The following ASPRV1 variants were observed in gnomAD, a reference collection of about 807,000 sequenced individuals.
ASPRV1 encodes aspartic peptidase retroviral like 1, also known as retroviral-like aspartic protease 1.
ASPRV1 carries 7 observed loss-of-function variants against 11.0 expected under a neutral mutation model. The observed-to-expected ratio is 0.64, with a 90% CI of 0.36 to 1.20. ASPRV1 has a LOEUF of 1.20. ASPRV1 is among the 50% of genes most tolerant of loss of function. The pLI is 0.02. For synonymous variants in ASPRV1, 136 were observed against 138.4 expected (o/e 0.98, Z 0.12); for missense variants, 299 against 320.0 (o/e 0.93, Z 0.50).
At chr2:69,981,607 A>T in the ASPRV1 span, among the ~76,000 whole-genome samples, 1 of 152,184 alleles carries the variant, frequency 6.6e-6, no homozygotes, top group African/African-American at 2.4e-5. Flanking sequence ...CCCAGGCTGG[A>T]GTGCAGTGGC....
chr2:70,073,799 T>G, the ASPRV1 span, among the ~76,000 whole-genome samples: 5 of 152,018 alleles, frequency 3.3e-5, no homozygotes, highest in East Asian at 9.6e-4. Context: ...GCTCATCCCT[T>G]GCCCTAGAAT....
the ASPRV1 span, among the ~76,000 whole-genome samples, chr2:70,082,567 G>A: frequency 6.6e-6 from 1 of 151,850 alleles, no homozygotes; most frequent in East Asian, 1.9e-4. Flanking sequence ...ACAATCAGCC[G>A]GGTGTGGCGG....
chr2:69,988,451 G>A, the ASPRV1 span: 1 of 205,532 alleles, frequency 4.9e-6, no homozygotes, highest in Non-Finnish European at 1.0e-5. Flanking sequence ...CTTACATGAG[G>A]TGTCTAGAGT....
At chr2:70,052,395 A>G in the ASPRV1 span, among the ~76,000 whole-genome samples, 1 of 152,202 alleles carries the variant, frequency 6.6e-6, no homozygotes, top group Non-Finnish European at 1.5e-5. Flanking sequence ...TAAAACAGTA[A>G]CAAGATATGA....
chr2:69,937,342 G>A, the ASPRV1 span: 1 of 1,613,958 alleles, frequency 6.2e-7, no homozygotes, highest in Non-Finnish European at 8.5e-7. Flanking sequence ...AGAGGATCCG[G>A]ATGGACAGCA....
chr2:70,029,595 T>C, the ASPRV1 span, among the ~76,000 whole-genome samples: 1 of 152,132 alleles, frequency 6.6e-6, no homozygotes, highest in African/African-American at 2.4e-5. Flanking sequence ...GCCGAGATTG[T>C]GCCACTGCAC....
At chr2:69,991,634 G>A in the ASPRV1 span, among the ~76,000 whole-genome samples, 1 of 151,904 alleles carries the variant, frequency 6.6e-6, no homozygotes, top group South Asian at 2.1e-4. Context: ...CACAATCTTC[G>A]CCTCCCGGGT....
chr2:70,030,629 A>G, the ASPRV1 span: 1 of 152,176 alleles, frequency 6.6e-6, no homozygotes, highest in Non-Finnish European at 1.5e-5. Flanking sequence ...TAATTCTTCA[A>G]TAAAATGATC....
At chr2:70,003,938 C>G in the ASPRV1 span, among the ~76,000 whole-genome samples, 1 of 152,098 alleles carries the variant, frequency 6.6e-6, no homozygotes, top group Non-Finnish European at 1.5e-5. Flanking sequence ...GCAGCAAAGC[C>G]CCTCGATCTT....
the ASPRV1 span, among the ~76,000 whole-genome samples, chr2:70,000,786 C>G: frequency 2.6e-5 from 1 of 38,362 alleles, no homozygotes; most frequent in East Asian, 1.4e-3. Context: ...AAGACCCTGC[C>G]TCAAAAAAAA....
upstream of ASPRV1, chr2:69,961,698 T>C: frequency 6.5e-7 from 1 of 1,528,200 alleles, no homozygotes; most frequent in East Asian, 2.3e-5. Context: ...TTCTCCTTTG[T>C]TCTGGAAGCT....
At chr2:70,010,180 C>A in the ASPRV1 span, among the ~76,000 whole-genome samples, 6 of 152,086 alleles carry the variant, frequency 3.9e-5, no homozygotes, top group East Asian at 1.2e-3. Context: ...GGTATGTGAA[C>A]TAGACAGGGG....
the ASPRV1 span, among the ~76,000 whole-genome samples, chr2:70,033,402 C>T: frequency 2.9e-4 from 44 of 152,196 alleles, no homozygotes; most frequent in African/African-American, 1.0e-3. Flanking sequence ...CACTGCTTGG[C>T]CCCTTTATCC....
the ASPRV1 span, among the ~76,000 whole-genome samples, chr2:70,054,507 G>A: frequency 6.8e-6 from 1 of 146,278 alleles, no homozygotes; most frequent in African/African-American, 2.5e-5. Context: ...AACCCGGGAG[G>A]CGGAGTTTGC....
At chr2:69,980,536 C>T in the ASPRV1 span, among the ~76,000 whole-genome samples, 58 of 152,098 alleles carry the variant, frequency 3.8e-4, no homozygotes, top group Admixed American at 1.2e-3. Flanking sequence ...ACCCTAAATA[C>T]AACATGCTAT....
chr2:70,081,533 T>G, the ASPRV1 span: 1 of 152,042 alleles, frequency 6.6e-6, no homozygotes, highest in Non-Finnish European at 1.5e-5. Flanking sequence ...TATTTCCAAC[T>G]GTAGTAACCT....
chr2:70,064,987 G>A, the ASPRV1 span, among the ~76,000 whole-genome samples: 2 of 151,946 alleles, frequency 1.3e-5, no homozygotes, highest in Non-Finnish European at 2.9e-5. Context: ...CCCAGCTACT[G>A]AGGAGGCTGA....
chr2:70,036,975 G>GA, the ASPRV1 span, among the ~76,000 whole-genome samples: 1 of 152,146 alleles, frequency 6.6e-6, no homozygotes, highest in Non-Finnish European at 1.5e-5. Context: ...GGCAGGAAGG[G>GA]AAGAACCAAA....
the ASPRV1 span, among the ~76,000 whole-genome samples, chr2:70,005,054 T>C: frequency 2.1e-5 from 3 of 146,234 alleles, no homozygotes; most frequent in African/African-American, 7.8e-5. Context: ...GGTTCCACTA[T>C]GGTTTCTTAT....
Sources: gnomAD v4.1 joint callset for allele counts (sites outside exome capture counted in the v4.1 genomes callset) on GRCh38, gnomAD v4.1.1 for gene constraint, MANE v1.5 for transcripts, NCBI Gene and HGNC (gene_info 2026-07-23, HGNC 2026-07-21) for gene names.